Variants in ANO4 observed in about 807,000 individuals in gnomAD.
ANO4 encodes the protein anoctamin 4.
A neutral mutation model predicts 141.9 loss-of-function variants in ANO4; 69 were observed. The ratio of observed to expected loss-of-function variants is 0.49; its 90% CI spans 0.40 to 0.59. The LOEUF (loss-of-function observed/expected upper bound fraction) is 0.59, where lower values mean the gene tolerates loss of function less well. ANO4 is among the 20% of genes least tolerant of loss of function. ANO4 has a pLI of 0.00. For missense variants in ANO4, 894 were observed against 1,162.2 expected (o/e 0.77, Z 3.36); for synonymous variants, 350 against 394.3 (o/e 0.89, Z 1.33).
At chr12:101,057,951 G>C (rs927207509) in intron 14 of ANO4, among the ~76,000 whole-genome samples, 3 of 152,182 alleles carry the variant, frequency 2.0e-5, no homozygotes, top group African/African-American at 7.2e-5. Context: ...CCTATGTCCT[G>C]AATGGTATTG....
At chr12:100,926,750 A>G (rs1018905939) in intron 3 of ANO4, among the ~76,000 whole-genome samples, 1 of 152,096 alleles carries the variant, frequency 6.6e-6, no homozygotes, top group Non-Finnish European at 1.5e-5. Flanking sequence ...TGTGTTAACT[A>G]AAGTTCCTGC....
At chr12:101,076,434 C>T (rs889626310) in intron 14 of ANO4, among the ~76,000 whole-genome samples, 3 of 152,106 alleles carry the variant, frequency 2.0e-5, no homozygotes, top group Non-Finnish European at 4.4e-5. Context: ...AGAAGCTACC[C>T]AGTTTATGGT....
chr12:100,830,970 C>CCCA (rs2036602702), intron 1 of ANO4, among the ~76,000 whole-genome samples: 1 of 151,976 alleles, frequency 6.6e-6, no homozygotes, highest in African/African-American at 2.4e-5. Flanking sequence ...GTAAGCTAGA[C>CCCA]CCATTCCTCA....
chr12:100,890,950 C>T (rs1593654099), intron 1 of ANO4, among the ~76,000 whole-genome samples: 1 of 152,168 alleles, frequency 6.6e-6, no homozygotes, highest in East Asian at 1.9e-4. Flanking sequence ...CTATTTCTCC[C>T]TCCTTTCTTC....
At chr12:100,726,942 T>C (rs1278920672) in intron 1 of ANO4, among the ~76,000 whole-genome samples, 1 of 150,066 alleles carries the variant, frequency 6.7e-6, no homozygotes, top group Non-Finnish European at 1.5e-5. Flanking sequence ...GATAATAATA[T>C]TTAATAGTTG....
chr12:100,830,770 C>G (rs1472486261), intron 1 of ANO4, among the ~76,000 whole-genome samples: 1 of 152,080 alleles, frequency 6.6e-6, no homozygotes, highest in Non-Finnish European at 1.5e-5. Flanking sequence ...TATTTCATTA[C>G]TCTAGCATAT....
chr12:101,055,974 T>C (rs955191946), intron 14 of ANO4, among the ~76,000 whole-genome samples: 2 of 152,174 alleles, frequency 1.3e-5, no homozygotes, highest in African/African-American at 2.4e-5. Context: ...CAATGGGCCA[T>C]ATATGTATGG....
At chr12:100,855,500 G>A (rs558139624) in intron 1 of ANO4, among the ~76,000 whole-genome samples, 12 of 151,900 alleles carry the variant, frequency 7.9e-5, no homozygotes, top group Non-Finnish European at 7.4e-5. Flanking sequence ...CATTTTGCCC[G>A]TATTTCTTTG....
In ANO4 at chr12:100,960,280, T is replaced by G. The variant is rs919817184; in HGVS notation, c.457-11026T>G. ...CACACGCACACACACACACACACCCTATAAAGTAGGTGAGGGTAGTTATAT... is the reference window on the plus strand; with the variant it reads ...CACACGCACACACACACACACACCCGATAAAGTAGGTGAGGGTAGTTATAT... On this transcript the variant is annotated intron_variant, in intron 5 of 27. Coordinates refer to ENST00000392977, the MANE Select transcript of ANO4 (RefSeq NM_001286615.2). Among the ~76,000 whole-genome samples the G allele has an allele frequency of 4.0e-5, 6 of 148,410 alleles. 1 individual carries two copies. The highest frequency in any genetic ancestry group is 1.3e-4 in the Admixed American group (2 of 14,952).
chr12:100,799,794 A>C (rs1593359731), intron 1 of ANO4, among the ~76,000 whole-genome samples: 1 of 152,188 alleles, frequency 6.6e-6, no homozygotes, highest in Non-Finnish European at 1.5e-5. Flanking sequence ...CTCATTCCAC[A>C]GAAGTTAAGG....
At chr12:100,750,441 G>A (rs1030951795) in intron 3 of ANO4, among the ~76,000 whole-genome samples, 1 of 152,066 alleles carries the variant, frequency 6.6e-6, no homozygotes, top group South Asian at 2.1e-4. Context: ...ACCACACCTG[G>A]CCTAGATTCT....
At chr12:100,881,499 C>T (rs948359187) in intron 1 of ANO4, among the ~76,000 whole-genome samples, 1 of 151,038 alleles carries the variant, frequency 6.6e-6, no homozygotes, top group Non-Finnish European at 1.5e-5. Context: ...AACAAATAAG[C>T]CATAATGTAA....
rs543956471 is a variant in ANO4, at chr12:100,726,968, C to T, written c.23-6806C>T. On this transcript the variant is annotated intron_variant, in intron 1 of 29. Transcript: ENST00000644049. ...TTAATAGTTGCCCCGGGACCCCCCC[C>T]GCCCATTCCCTAAAAAGGACTTCTA... is the stretch of plus-strand genomic sequence containing the variant. Among the ~76,000 whole-genome samples the T allele has an allele frequency of 3.3e-4, 50 of 151,676 alleles. No individual in the cohort carries two copies. The South Asian group carries it at 6.9e-3, about 21-fold the overall frequency.
intron 3 of ANO4, among the ~76,000 whole-genome samples, chr12:100,745,666 GA>G (rs1452140163): frequency 6.6e-6 from 1 of 152,242 alleles, no homozygotes; most frequent in East Asian, 1.9e-4. Flanking sequence ...GTAGAAAGCA[GA>G]ATGAAAAAGT....
At chr12:100,906,878 A>G (rs1221046776) in intron 2 of ANO4, among the ~76,000 whole-genome samples, 1 of 152,204 alleles carries the variant, frequency 6.6e-6, no homozygotes, top group East Asian at 1.9e-4. Context: ...TTGGAGAAAA[A>G]CAGTTCTAAG....
At position 101,126,966 on chromosome 12, in the gene ANO4, T is replaced by G. The variant is rs1362505106; in HGVS notation, c.2764T>G (p.Tyr922Asp). ...DLRDRMRREK[Y>D]LIQEMMYEAE... Reference sequence around the variant, plus strand: ...AAGGGATCGAATGAGAAGAGAGAAGTACTTGATTCAGGAGATGATGTATGA... The same window carrying G: ...AAGGGATCGAATGAGAAGAGAGAAGGACTTGATTCAGGAGATGATGTATGA... The change falls in exon 27 of 28, where the codon TAC (tyrosine) becomes GAC (aspartate). Residue 922 changes from tyrosine (Y) to aspartate (D), a missense_variant. By Grantham distance (160) the Tyr-to-Asp change is radical. Coordinates refer to ENST00000392977, the MANE Select transcript of ANO4 (RefSeq NM_001286615.2). 6.2e-7 allele frequency: 1 copy of G among 1,614,004 alleles called. No homozygotes were observed. The highest frequency in any genetic ancestry group is 2.2e-5 in the East Asian group (1 of 44,892).
chr12:100,740,197 C>T, intron 3 of ANO4: 1 of 667,624 alleles, frequency 1.5e-6, no homozygotes. Flanking sequence ...ATTTGTATTT[C>T]TGCTTGTGTG....
intron 15 of ANO4, among the ~76,000 whole-genome samples, chr12:101,081,642 AG>A (rs2049282121): frequency 6.6e-6 from 1 of 152,218 alleles, no homozygotes; most frequent in Non-Finnish European, 1.5e-5. Flanking sequence ...TTAGTTTGTC[AG>A]GGCTGCCATA....
At chr12:101,090,845 A>T (rs1401797470) in intron 17 of ANO4, among the ~76,000 whole-genome samples, 1 of 152,174 alleles carries the variant, frequency 6.6e-6, no homozygotes, top group Non-Finnish European at 1.5e-5. Flanking sequence ...AGAGTAAAAC[A>T]CTTCATTTAA....
Sources: gnomAD v4.1 joint callset for allele counts (sites outside exome capture counted in the v4.1 genomes callset) on GRCh38, gnomAD v4.1.1 for gene constraint, MANE v1.5 for transcripts, NCBI Gene and HGNC (gene_info 2026-07-23, HGNC 2026-07-21) for gene names.